Variants in TRIP11 observed in about 807,000 individuals in gnomAD.
TRIP11 encodes the protein thyroid hormone receptor interactor 11.
A neutral mutation model predicts 223.1 loss-of-function variants in TRIP11; 148 were observed. The ratio of observed to expected loss-of-function variants is 0.66; its 90% CI spans 0.58 to 0.76. The LOEUF (loss-of-function observed/expected upper bound fraction) is 0.76. Ranked by LOEUF, TRIP11 falls within the 30% of genes least tolerant of loss-of-function variation. The pLI is 0.00. For missense variants in TRIP11, 2,043 were observed against 2,222.0 expected, an observed-to-expected ratio of 0.92 and a Z score of 1.62; for synonymous variants, 762 against 772.6, an observed-to-expected ratio of 0.99 and a Z score of 0.23.
At chr14:92,035,823 C>G (rs2057320069) in intron 1 of TRIP11, among the ~76,000 whole-genome samples, 1 of 152,116 alleles carries the variant, frequency 6.6e-6, no homozygotes, top group African/African-American at 2.4e-5. Context: ...TCAGGTGATC[C>G]TGAGGCCCTC....
At chr14:92,023,783 A>G (rs764388488) in intron 3 of TRIP11, among the ~76,000 whole-genome samples, 1 of 152,216 alleles carries the variant, frequency 6.6e-6, no homozygotes, top group Non-Finnish European at 1.5e-5. Context: ...ACCAGTCCAG[A>G]GCAAGTATAG....
At chr14:91,982,298 A>C (rs1430841936) in intron 16 of TRIP11, among the ~76,000 whole-genome samples, 5 of 152,224 alleles carry the variant, frequency 3.3e-5, no homozygotes, top group African/African-American at 1.2e-4. Flanking sequence ...TAAAAAGAGT[A>C]AATATTATGA....
At chr14:92,039,488 C>T in intron 1 of TRIP11, 59 bp downstream of exon 1, 1 of 1,594,198 alleles carries the variant, frequency 6.3e-7, no homozygotes. Flanking sequence ...GAAGTAGGGA[C>T]CAAACGGACG....
At chr14:91,991,121 T>G (rs2056666430) in intron 15 of TRIP11, among the ~76,000 whole-genome samples, 1 of 152,110 alleles carries the variant, frequency 6.6e-6, no homozygotes, top group African/African-American at 2.4e-5. Context: ...TAGGGCCTGA[T>G]GGGAGGTGTT....
intron 1 of TRIP11, among the ~76,000 whole-genome samples, chr14:92,035,230 G>A (rs2057311295): frequency 6.6e-6 from 1 of 151,838 alleles, no homozygotes; most frequent in Admixed American, 6.6e-5. Context: ...TGAGGCAGGA[G>A]AAATTGCTTG....
chr14:92,036,823 C>A (rs1001911936), intron 1 of TRIP11, among the ~76,000 whole-genome samples: 2 of 152,174 alleles, frequency 1.3e-5, no homozygotes, highest in African/African-American at 4.8e-5. Flanking sequence ...GAGCCTTTAA[C>A]TACTGGGCTC....
chr14:92,000,709 G>A (rs750259542), intron 11 of TRIP11, among the ~76,000 whole-genome samples: 10 of 152,208 alleles, frequency 6.6e-5, no homozygotes, highest in Non-Finnish European at 1.5e-4. Context: ...GTGTGCACAC[G>A]TATGTGCGTG....
At chr14:92,013,731 A>G (rs1379593488) in intron 7 of TRIP11, among the ~76,000 whole-genome samples, 3 of 152,228 alleles carry the variant, frequency 2.0e-5, no homozygotes, top group African/African-American at 7.2e-5. Context: ...CTTATTTTTT[A>G]AAACGTAAGT....
At position 91,993,987 on chromosome 14, in the gene TRIP11, T is replaced by A. The variant is rs1362461552; in HGVS notation, c.5057-75A>T. 3.5e-6 allele frequency: 4 copies of A among 1,157,470 alleles called. No individual in the cohort carries two copies. The East Asian group carries it at 9.7e-5, about 28-fold the overall frequency. The allele number at this position is 1,157,470 out of a possible 1,614,324, so 71.7% of individuals were successfully genotyped here. A position where few individuals can be genotyped will look rare whatever the true frequency, so the allele number is the denominator to read the frequency against. ...TTAGAATGTTAAGCCATTTTAAATTTTAATAATCCAACGAAAACAGTTCAA... is the reference window on the plus strand; with the variant it reads ...TTAGAATGTTAAGCCATTTTAAATTATAATAATCCAACGAAAACAGTTCAA... On this transcript the variant is annotated intron_variant, in intron 14 of 20. Coordinates refer to ENST00000267622, the MANE Select transcript of TRIP11 (RefSeq NM_004239.4).
chr14:91,998,446 T>C (rs1001716102), intron 13 of TRIP11, among the ~76,000 whole-genome samples: 62 of 152,178 alleles, frequency 4.1e-4, no homozygotes, highest in African/African-American at 1.4e-3. Flanking sequence ...TGGCATATTA[T>C]GTAGCCACAA....
intron 7 of TRIP11, 128 bp from the exon 8 acceptor site, chr14:92,011,923 G>A: frequency 1.3e-6 from 1 of 760,402 alleles, no homozygotes; most frequent in Non-Finnish European, 2.2e-6. Context: ...TAACAGTTCT[G>A]AGTGAAACAT....
chr14:91,986,969 A>T (rs2056611338), intron 16 of TRIP11, among the ~76,000 whole-genome samples: 1 of 152,244 alleles, frequency 6.6e-6, no homozygotes, highest in Admixed American at 6.5e-5. Flanking sequence ...TAGGGCTACA[A>T]TAACATGAAA....
rs1410805653 is a variant in TRIP11, at chr14:91,966,875, A to C, written c.*2798T>G. ...TTCAACCACAAATTCTACTGAGTGG[A>C]TAGAGAAATAAACAGAAAAATTACT... On this transcript the variant is annotated 3_prime_UTR_variant, in exon 21 of 21. Transcript: ENST00000267622. 3 of 217,374 alleles carry C rather than the reference A, an allele frequency of 1.4e-5. No homozygotes were observed. Among genetic ancestry groups the C allele is most frequent in the African/African-American group, 6.7e-5 (3 of 44,516 alleles). 13.5% of individuals were successfully genotyped at this position (217,374 alleles called of 1,614,324 possible).
chr14:91,970,544 T>TA (rs1027866525), intron 20 of TRIP11, among the ~76,000 whole-genome samples: 5 of 152,160 alleles, frequency 3.3e-5, no homozygotes, highest in East Asian at 1.9e-4. Flanking sequence ...CATTTTCTGA[T>TA]AAAAAAACAA....
At chr14:92,017,554 A>T (rs528213087) in intron 5 of TRIP11, 128 bp downstream of exon 5, 1 of 752,216 alleles carries the variant, frequency 1.3e-6, no homozygotes, top group South Asian at 1.7e-5. Flanking sequence ...TCTAAAAGAA[A>T]AAGAAGTACC....
rs558337126 is a variant in TRIP11, at chr14:91,979,257, C to CAAA, written c.5261-3071_5261-3069dup. On this transcript the variant is annotated intron_variant, in intron 16 of 20. Transcript: ENST00000267622. ...GGACAACAGAGCGAGACCCTGTCTC[C>CAAA]AAAAAAAAAAAAAAAAGAGAGAGAG... Among the ~76,000 whole-genome samples, 568 of 102,794 alleles carry CAAA rather than the reference C, an allele frequency of 5.5e-3. 5 individuals are homozygous for CAAA. Among genetic ancestry groups the CAAA allele is most frequent in the African/African-American group, 0.015 (424 of 27,630 alleles). 67.4% of individuals were successfully genotyped at this position (102,794 alleles called of 152,430 possible).
rs369142216 is a variant in TRIP11 at position 92,038,033 on chromosome 14, G to A, written c.139+1514C>T. The stretch of plus-strand genomic sequence containing the variant: ...GGAATAGTCCCTGGGAAAGATTATA[G>A]GGATCTAAAGAATAAGGAGTAATAA... On this transcript the variant is annotated intron_variant, in intron 1 of 20. Transcript: ENST00000267622. Among the ~76,000 whole-genome samples the A allele has an allele frequency of 3.9e-5, 6 of 152,280 alleles. No individual in the cohort carries two copies. The South Asian group carries it at 1.2e-3, about 32-fold the overall frequency.
intron 1 of TRIP11, among the ~76,000 whole-genome samples, chr14:92,039,217 A>T (rs1359485074): frequency 2.0e-5 from 3 of 152,210 alleles, no homozygotes; most frequent in Non-Finnish European, 2.9e-5. Context: ...TAAGAATGAG[A>T]TCAGCCCCCA....
chr14:92,002,511 C>A (rs985645625), intron 11 of TRIP11, among the ~76,000 whole-genome samples: 2 of 151,602 alleles, frequency 1.3e-5, no homozygotes, highest in African/African-American at 4.8e-5. Flanking sequence ...AGCACATTTT[C>A]TTATTATTTT....
Sources: allele counts gnomAD v4.1 joint callset (sites outside exome capture counted in the v4.1 genomes callset), GRCh38; gene constraint gnomAD v4.1.1; transcripts MANE v1.5; gene names NCBI Gene and HGNC (gene_info 2026-07-23, HGNC 2026-07-21).